Variants in STX6 observed in about 807,000 individuals in gnomAD.
STX6 encodes syntaxin 6, also known as syntaxin-6.
In STX6, 23 loss-of-function variants were observed where a neutral mutation model predicts 38.0. The ratio of observed to expected loss-of-function variants is 0.60; its 90% CI spans 0.43 to 0.86. The LOEUF is 0.86. Ranked by LOEUF, STX6 falls within the 40% of genes least tolerant of loss-of-function variation. The pLI, the probability that STX6 is intolerant of heterozygous loss-of-function variation, is 0.00. For missense variants in STX6, 274 were observed against 312.9 expected, an observed-to-expected ratio of 0.88 and a Z score of 0.94; for synonymous variants, 123 against 107.5, an observed-to-expected ratio of 1.14 and a Z score of -0.89.
intron 5 of STX6, 92 bp from the exon 6 acceptor site, chr1:180,988,437 C>T: frequency 1.0e-6 from 1 of 957,482 alleles, no homozygotes; most frequent in South Asian, 1.4e-5. Context: ...TCTTTGCCAA[C>T]TTGGGACAAT....
Position 181,022,674 on chromosome 1 carries a change from G to A in STX6, c.-1C>T, listed in dbSNP as rs1221411655. On this transcript the variant is annotated 5_prime_UTR_variant, in exon 1 of 8. Coordinates refer to ENST00000258301, the MANE Select transcript of STX6 (RefSeq NM_005819.6). ...CAAAGAAGGGGTCCTCCATGGACAT[G>A]GCGTCCCGGCCCCGGCCGCCTTCAC... 2.5e-6 allele frequency: 4 copies of A among 1,608,894 alleles called. No homozygotes were observed. Among genetic ancestry groups the A allele is most frequent in the African/African-American group, 2.7e-5 (2 of 74,864 alleles).
At chr1:181,017,073 A>AAAAC (rs762076078) in intron 1 of STX6, among the ~76,000 whole-genome samples, 2 of 146,970 alleles carry the variant, frequency 1.4e-5, no homozygotes, top group Non-Finnish European at 3.0e-5. Context: ...CTCTGTCTCA[A>AAAAC]AAACAAACAA....
In STX6 at chr1:181,022,733, T is replaced by C; in HGVS notation, c.-60A>G. 6.5e-7 allele frequency: 1 copy of C among 1,528,738 alleles called. No individual in the cohort carries two copies. Among genetic ancestry groups the C allele is most frequent in the South Asian group, 1.2e-5 (1 of 85,522 alleles). The allele number at this position is 1,528,738 out of a possible 1,614,324, so 94.7% of individuals were successfully genotyped here. On this transcript the variant is annotated 5_prime_UTR_variant, in exon 1 of 8. Coordinates refer to ENST00000258301, the MANE Select transcript of STX6 (RefSeq NM_005819.6). Reference sequence around the variant, plus strand: ...CGCACAGGGCGCCCGTGCCTCCCGGTCTCCCTCCGCCCACCCCGCCTGTTC... The same window carrying C: ...CGCACAGGGCGCCCGTGCCTCCCGGCCTCCCTCCGCCCACCCCGCCTGTTC...
rs1218255434 is a variant in STX6, at chr1:180,984,716, C to T, written c.652G>A (p.Val218Met). ...LESTQSRLDN[V>M]MKKLAKVSHM... Reference sequence around the variant, plus strand: ...GATACTTTTGCAAGTTTCTTCATCACATTGTCCAGCCGGGACTGAGTGCTC... The same window carrying T: ...GATACTTTTGCAAGTTTCTTCATCATATTGTCCAGCCGGGACTGAGTGCTC... The change falls in exon 7 of 8, where the codon GTG (valine) becomes ATG (methionine). Residue 218 changes from valine to methionine, a missense_variant. By Grantham distance (21) the Val-to-Met change is conservative. Transcript: ENST00000258301. 2 of 1,597,524 alleles carry T rather than the reference C, an allele frequency of 1.3e-6. No individual in the cohort carries two copies. Among genetic ancestry groups the T allele is most frequent in the Admixed American group, 1.7e-5 (1 of 59,820 alleles).
chr1:181,012,534 A>G (rs1656430158), intron 1 of STX6, among the ~76,000 whole-genome samples: 1 of 152,170 alleles, frequency 6.6e-6, no homozygotes, highest in African/African-American at 2.4e-5. Flanking sequence ...AGTCACCACA[A>G]TGCCCACAGG....
intron 1 of STX6, among the ~76,000 whole-genome samples, chr1:181,008,518 C>A (rs1428285412): frequency 1.3e-5 from 2 of 152,072 alleles, no homozygotes; most frequent in Non-Finnish European, 2.9e-5. Flanking sequence ...TAATTTGGAT[C>A]TTTTACTTTT....
intron 1 of STX6, among the ~76,000 whole-genome samples, chr1:181,018,344 T>C (rs1289674996): frequency 1.7e-5 from 2 of 119,974 alleles, no homozygotes; most frequent in Non-Finnish European, 1.6e-5. Context: ...GATCACGCCA[T>C]CGCCATTGCA....
At chr1:181,005,602 A>G (rs1656201838) in intron 1 of STX6, 139 bp from the exon 2 acceptor site, 1 of 752,472 alleles carries the variant, frequency 1.3e-6, no homozygotes, top group Admixed American at 3.2e-5. Context: ...TCACAGACAA[A>G]TATCAAAGTT....
In STX6 at chr1:180,976,643, C is replaced by T. The variant is rs148786215; in HGVS notation, c.695G>A (p.Arg232Gln). 70 of 1,613,268 alleles carry T rather than the reference C, an allele frequency of 4.3e-5. 1 individual carries two copies. Among genetic ancestry groups the T allele is most frequent in the African/African-American group, 5.3e-5 (4 of 74,980 alleles). Residue 232 changes from arginine (R) to glutamine (Q), a missense_variant, in exon 8 of 8, where the codon CGG becomes CAG. Coordinates refer to ENST00000258301, the MANE Select transcript of STX6 (RefSeq NM_005819.6). ...GATGGCTATGGCACACCATTGGCGC[C>T]GATCTGGAAGGCAGGACATGGGGAT... ...LAKVSHMTSD[R>Q]RQWCAIAILF...
At chr1:180,983,835 C>T (rs899265153) in intron 7 of STX6, among the ~76,000 whole-genome samples, 5 of 151,862 alleles carry the variant, frequency 3.3e-5, no homozygotes, top group South Asian at 4.1e-4. Flanking sequence ...GAGGCCGAGG[C>T]GGGCAGATCA....
Position 181,022,736 on chromosome 1 carries a change from C to T in STX6, c.-63G>A. 6.6e-7 allele frequency: 1 copy of T among 1,520,052 alleles called. No individual in the cohort carries two copies. Among genetic ancestry groups the T allele is most frequent in the Non-Finnish European group, 8.9e-7 (1 of 1,119,562 alleles). 94.2% of individuals were successfully genotyped at this position (1,520,052 alleles called of 1,614,324 possible). ...ACAGGGCGCCCGTGCCTCCCGGTCT[C>T]CCTCCGCCCACCCCGCCTGTTCCCG... On this transcript the variant is annotated 5_prime_UTR_variant, in exon 1 of 8. Transcript: ENST00000258301.
At chr1:181,011,967 G>A (rs1235244464) in intron 1 of STX6, among the ~76,000 whole-genome samples, 4 of 152,190 alleles carry the variant, frequency 2.6e-5, no homozygotes, top group African/African-American at 9.7e-5. Context: ...CACAGATAGT[G>A]CTTCTTTATC....
chr1:180,981,682 G>A (rs985447508), intron 7 of STX6, among the ~76,000 whole-genome samples: 3 of 152,108 alleles, frequency 2.0e-5, no homozygotes, highest in East Asian at 3.9e-4. Context: ...AGCACAACCC[G>A]AGGATGTTCT....
chr1:181,011,372 A>G (rs375928111), intron 1 of STX6, among the ~76,000 whole-genome samples: 12 of 152,362 alleles, frequency 7.9e-5, no homozygotes, highest in African/African-American at 2.6e-4. Flanking sequence ...TGTTCTTCCA[A>G]TATCATTTCA....
chr1:180,988,486 ACC>A, intron 5 of STX6, 141 bp from the exon 6 acceptor site: 1 of 628,898 alleles, frequency 1.6e-6, no homozygotes. Flanking sequence ...AAAGGACCAG[ACC>A]GTTGCCTCTG....
Position 180,975,107 on chromosome 1 carries a change from G to T in STX6, c.*1463C>A, listed in dbSNP as rs1165041952. ...AATACAAACAAAACAAAACAAAAAG[G>T]TTTAAAAAAAAAGTGTGCTGAGGAA... is the stretch of plus-strand genomic sequence containing the variant. On this transcript the variant is annotated 3_prime_UTR_variant, in exon 8 of 8. Transcript: ENST00000258301. The T allele has an allele frequency of 6.6e-6, 1 of 152,082 alleles. No homozygotes were observed. The highest frequency in any genetic ancestry group is 1.5e-5 in the Non-Finnish European group (1 of 67,900). 9.4% of individuals were successfully genotyped at this position (152,082 alleles called of 1,614,324 possible).
intron 1 of STX6, among the ~76,000 whole-genome samples, chr1:181,006,619 C>T (rs1207019702): frequency 6.6e-6 from 1 of 151,888 alleles, no homozygotes; most frequent in Non-Finnish European, 1.5e-5. Flanking sequence ...TGTTTTGATC[C>T]TTCTATGATT....
In STX6 at chr1:180,985,536, G is replaced by A. The variant is rs138901586; in HGVS notation, c.597-765C>T. 3.9e-5 allele frequency among the ~76,000 whole-genome samples: 6 copies of A among 152,310 alleles called. No homozygotes were observed. The East Asian group carries it at 7.7e-4, about 20-fold the overall frequency. On this transcript the variant is annotated intron_variant, in intron 6 of 7. Coordinates refer to ENST00000258301, the MANE Select transcript of STX6 (RefSeq NM_005819.6). ...CCTCAGGACTAACATCCCTGATGGG[G>A]TGTGTGACAGTGTGTCTGTGCATGC...
chr1:181,013,880 G>A (rs1215975212), intron 1 of STX6, among the ~76,000 whole-genome samples: 2 of 152,170 alleles, frequency 1.3e-5, no homozygotes, highest in East Asian at 1.9e-4. Flanking sequence ...CAATGTAACT[G>A]GACTTGTTAC....
Sources: allele counts gnomAD v4.1 joint callset (sites outside exome capture counted in the v4.1 genomes callset), GRCh38; gene constraint gnomAD v4.1.1; transcripts MANE v1.5; gene names NCBI Gene and HGNC (gene_info 2026-07-23, HGNC 2026-07-21).